Variants in NKAIN2 observed in about 807,000 individuals in gnomAD.
NKAIN2 encodes the protein sodium/potassium-transporting ATPase subunit beta-1-interacting protein 2.
In NKAIN2, 14 loss-of-function variants were observed where a neutral mutation model predicts 32.6. The observed-to-expected ratio is 0.43, with a 90% CI of 0.28 to 0.67. The LOEUF is 0.67. Among genes scored for constraint, NKAIN2 ranks in the 30% least tolerant of loss-of-function variants. The pLI is 0.17. For missense variants in NKAIN2, 198 were observed against 258.3 expected (o/e 0.77, Z 1.60); for synonymous variants, 80 against 87.2 (o/e 0.92, Z 0.46).
At chr6:124,456,325 G>T (rs550745801) in intron 3 of NKAIN2, among the ~76,000 whole-genome samples, 1 of 150,228 alleles carries the variant, frequency 6.7e-6, no homozygotes, top group Non-Finnish European at 1.5e-5. Context: ...AAAAAAAAAC[G>T]ACATACCTAA....
intron 1 of NKAIN2, among the ~76,000 whole-genome samples, chr6:124,225,681 CA>C (rs1257738522): frequency 6.6e-6 from 1 of 151,510 alleles, no homozygotes; most frequent in Admixed American, 6.6e-5. Flanking sequence ...ATATGAGAAA[CA>C]CTTATTTTTA....
At chr6:124,668,757 C>CT (rs1194833512) in intron 4 of NKAIN2, among the ~76,000 whole-genome samples, 3 of 152,072 alleles carry the variant, frequency 2.0e-5, no homozygotes, top group Non-Finnish European at 4.4e-5. Flanking sequence ...TCAGCAATGT[C>CT]TTTTTTCGCA....
At chr6:124,476,505 T>G (rs1230570400) in intron 3 of NKAIN2, among the ~76,000 whole-genome samples, 1 of 151,828 alleles carries the variant, frequency 6.6e-6, no homozygotes. Flanking sequence ...TAGTCACATT[T>G]GCTAAAGCAA....
intron 1 of NKAIN2, among the ~76,000 whole-genome samples, chr6:123,861,879 A>T (rs142861014): frequency 6.6e-6 from 1 of 152,200 alleles, no homozygotes; most frequent in Non-Finnish European, 1.5e-5. Flanking sequence ...TGTTATTTGT[A>T]CTGTAATATT....
intron 1 of NKAIN2, among the ~76,000 whole-genome samples, chr6:123,879,104 T>C (rs1040120161): frequency 4.6e-5 from 7 of 152,246 alleles, no homozygotes; most frequent in Non-Finnish European, 1.0e-4. Context: ...AATAATTGCA[T>C]TGAGAGTTCT....
At chr6:124,570,378 G>A (rs896129797) in intron 3 of NKAIN2, among the ~76,000 whole-genome samples, 4 of 152,106 alleles carry the variant, frequency 2.6e-5, no homozygotes, top group East Asian at 1.9e-4. Context: ...ACCAGGCCAC[G>A]TCAGAGACCT....
intron 1 of NKAIN2, among the ~76,000 whole-genome samples, chr6:124,149,997 A>G (rs1036102596): frequency 1.2e-4 from 19 of 152,292 alleles, no homozygotes; most frequent in Middle Eastern, 3.4e-3. Flanking sequence ...ATCAAAGGTC[A>G]GTTCCTGGTC....
intron 3 of NKAIN2, among the ~76,000 whole-genome samples, chr6:124,387,239 A>G (rs1562147535): frequency 1.3e-5 from 2 of 152,166 alleles, no homozygotes; most frequent in South Asian, 4.1e-4. Flanking sequence ...GCAAGCAGTG[A>G]CATCATGTGT....
chr6:124,810,330 G>A (rs1415410654), intron 5 of NKAIN2, among the ~76,000 whole-genome samples: 3 of 152,012 alleles, frequency 2.0e-5, no homozygotes, highest in African/African-American at 7.3e-5. Context: ...CATGTCCTTT[G>A]TAGGGACATG....
At chr6:123,905,529 C>A (rs566831407) in intron 1 of NKAIN2, among the ~76,000 whole-genome samples, 1 of 149,930 alleles carries the variant, frequency 6.7e-6, no homozygotes, top group East Asian at 1.9e-4. Flanking sequence ...GAAAAGAGTT[C>A]AGAACAAAAG....
intron 3 of NKAIN2, among the ~76,000 whole-genome samples, chr6:124,475,753 CT>C (rs1276672072): frequency 6.6e-6 from 1 of 152,114 alleles, no homozygotes; most frequent in African/African-American, 2.4e-5. Context: ...GCTTTTTTCA[CT>C]GCCTTACTTG....
chr6:124,232,725 C>A lies in NKAIN2; in HGVS notation c.55-50280C>A, dbSNP rs73563703. 4.1e-3 allele frequency among the ~76,000 whole-genome samples: 619 copies of A among 150,284 alleles called. 6 individuals carry two copies. The highest frequency in any genetic ancestry group is 0.014 in the African/African-American group (573 of 41,312). ...CCATCAATCTGCATCAATTTGCCAT[C>A]ACTGGCAAAATGGCATTATTTTTGA... is the stretch of plus-strand genomic sequence containing the variant. On this transcript the variant is annotated intron_variant, in intron 1 of 6. Transcript: ENST00000368417.
intron 1 of NKAIN2, among the ~76,000 whole-genome samples, chr6:124,202,785 C>T (rs999035903): frequency 6.6e-6 from 1 of 151,784 alleles, no homozygotes; most frequent in African/African-American, 2.4e-5. Context: ...CAAGTAATAG[C>T]TCTTTTTTAA....
intron 1 of NKAIN2, among the ~76,000 whole-genome samples, chr6:124,128,408 T>C (rs1390149013): frequency 6.6e-6 from 1 of 152,250 alleles, no homozygotes; most frequent in Non-Finnish European, 1.5e-5. Context: ...CATGTAGTTA[T>C]GGGCTACTAA....
At chr6:124,142,830 CATT>C (rs1219911575) in intron 1 of NKAIN2, among the ~76,000 whole-genome samples, 6 of 152,066 alleles carry the variant, frequency 3.9e-5, no homozygotes, top group Non-Finnish European at 8.8e-5. Flanking sequence ...TATGCATTAT[CATT>C]ATAATCATAT....
At chr6:124,398,146 G>C (rs960100125) in intron 3 of NKAIN2, among the ~76,000 whole-genome samples, 3 of 150,536 alleles carry the variant, frequency 2.0e-5, no homozygotes, top group Non-Finnish European at 4.4e-5. Context: ...CCAGCTACTC[G>C]GGAGGCTGAG....
At position 124,746,929 on chromosome 6, in the gene NKAIN2, A is replaced by G. The variant is rs1051110675; in HGVS notation, c.475-44410A>G. Among the ~76,000 whole-genome samples, 3 of 152,068 alleles carry G rather than the reference A, an allele frequency of 2.0e-5. No individual in the cohort carries two copies. In the East Asian group the frequency reaches 5.8e-4, roughly 30 times the overall value. On this transcript the variant is annotated intron_variant, in intron 4 of 6. Coordinates refer to ENST00000368417, the MANE Select transcript of NKAIN2 (RefSeq NM_001040214.3). Reference sequence around the variant, plus strand: ...TAATTTTATGAATCAATAATGTACTATTAACACTATTATATCCAAAGAAAA... The same window carrying G: ...TAATTTTATGAATCAATAATGTACTGTTAACACTATTATATCCAAAGAAAA...
chr6:123,861,872 T>G (rs905093242), intron 1 of NKAIN2, among the ~76,000 whole-genome samples: 3 of 152,220 alleles, frequency 2.0e-5, no homozygotes, highest in Non-Finnish European at 4.4e-5. Context: ...ATCAAAATGT[T>G]ATTTGTACTG....
chr6:124,628,880 C>T (rs1783456246), intron 3 of NKAIN2, among the ~76,000 whole-genome samples: 1 of 151,960 alleles, frequency 6.6e-6, no homozygotes, highest in Non-Finnish European at 1.5e-5. Context: ...AATAGCTGTA[C>T]AAATATTACT....
Sources: gnomAD v4.1 joint callset for allele counts (sites outside exome capture counted in the v4.1 genomes callset) on GRCh38, gnomAD v4.1.1 for gene constraint, MANE v1.5 for transcripts, NCBI Gene and HGNC (gene_info 2026-07-23, HGNC 2026-07-21) for gene names.